The following USH2A variants were observed in gnomAD, a reference collection of about 807,000 sequenced individuals.
USH2A encodes usherin.
A neutral mutation model predicts 538.9 loss-of-function variants in USH2A; 443 were observed. The ratio of observed to expected loss-of-function variants is 0.82; its 90% CI spans 0.76 to 0.89. The LOEUF (loss-of-function observed/expected upper bound fraction) is 0.89. Ranked by LOEUF, USH2A falls within the 40% of genes least tolerant of loss-of-function variation. USH2A has a pLI of 0.00. For missense variants in USH2A, 6,633 were observed against 6,324.8 expected, an observed-to-expected ratio of 1.05 and a Z score of -1.65; for synonymous variants, 2,413 against 2,273.5, an observed-to-expected ratio of 1.06 and a Z score of -1.75.
intron 37 of USH2A, among the ~76,000 whole-genome samples, chr1:215,954,654 T>C (rs1157746513): frequency 6.6e-6 from 1 of 151,954 alleles, no homozygotes; most frequent in East Asian, 1.9e-4. Context: ...ACATGGCACA[T>C]GTATACATAT....
intron 59 of USH2A, 150 bp downstream of exon 59, chr1:215,743,027 T>A: frequency 1.2e-6 from 1 of 825,110 alleles, no homozygotes. Flanking sequence ...GATGCCAGAC[T>A]GTGATTTTTC....
intron 27 of USH2A, among the ~76,000 whole-genome samples, chr1:216,073,554 G>A (rs1286259220): frequency 6.6e-6 from 1 of 152,106 alleles, no homozygotes; most frequent in Non-Finnish European, 1.5e-5. Flanking sequence ...TACTGAAAAA[G>A]CATTTATTTT....
At chr1:215,634,415 T>C in intron 70 of USH2A, 44 bp downstream of exon 70, 5 of 1,613,820 alleles carry the variant, frequency 3.1e-6, no homozygotes, top group Middle Eastern at 3.3e-4. Context: ...ACAAGTATTC[T>C]AGTCCAGTGA....
intron 44 of USH2A, among the ~76,000 whole-genome samples, chr1:215,847,241 A>G (rs1226534679): frequency 1.3e-5 from 2 of 152,142 alleles, no homozygotes; most frequent in Non-Finnish European, 2.9e-5. Flanking sequence ...ATGCTGCTCT[A>G]CTTACATCAG....
Position 216,306,142 on chromosome 1 carries a change from A to G in USH2A, c.1645-13772T>C, listed in dbSNP as rs187750524. On this transcript the variant is annotated intron_variant, in intron 9 of 71. Transcript: ENST00000307340. ...TAGATTTCTCTTCTTCCTTGGGAAC[A>G]CCAATTATTCTTAGATTTGGTCGTT... Among the ~76,000 whole-genome samples, 14 of 152,146 alleles carry G rather than the reference A, an allele frequency of 9.2e-5. No homozygotes were observed. The East Asian group carries it at 2.7e-3, about 29-fold the overall frequency.
At chr1:216,390,537 A>G (rs908610501) in intron 3 of USH2A, among the ~76,000 whole-genome samples, 10 of 152,190 alleles carry the variant, frequency 6.6e-5, no homozygotes, top group African/African-American at 1.9e-4. Context: ...TTTGGGTTAC[A>G]TGCATTCTAC....
chr1:216,104,869 T>C (rs2032691600), intron 21 of USH2A, among the ~76,000 whole-genome samples: 1 of 152,106 alleles, frequency 6.6e-6, no homozygotes, highest in African/African-American at 2.4e-5. Context: ...GAAACTACCA[T>C]CAGAGTGAAC....
intron 42 of USH2A, among the ~76,000 whole-genome samples, chr1:215,878,276 G>C (rs1037963968): frequency 1.3e-5 from 2 of 151,986 alleles, no homozygotes; most frequent in African/African-American, 2.4e-5. Context: ...TGTATTCTTG[G>C]CCAAGTATCA....
At chr1:215,696,799 G>A (rs1034845755) in intron 61 of USH2A, among the ~76,000 whole-genome samples, 1 of 152,184 alleles carries the variant, frequency 6.6e-6, no homozygotes, top group Admixed American at 6.5e-5. Context: ...CCCAGGTCAA[G>A]GATACAGTGA....
chr1:216,052,261 C>T (rs1036574178), intron 30 of USH2A, among the ~76,000 whole-genome samples: 2 of 151,038 alleles, frequency 1.3e-5, no homozygotes, highest in Non-Finnish European at 2.9e-5. Context: ...GAAACTAGAT[C>T]ATCTTTCAAG....
At chr1:215,719,508 C>T (rs1053866148) in intron 61 of USH2A, among the ~76,000 whole-genome samples, 2 of 151,926 alleles carry the variant, frequency 1.3e-5, no homozygotes, top group Admixed American at 6.6e-5. Flanking sequence ...AATTTTATTG[C>T]AAGGTGAGGA....
chr1:216,412,222 T>G (rs969635492), intron 3 of USH2A, among the ~76,000 whole-genome samples: 1 of 152,126 alleles, frequency 6.6e-6, no homozygotes, highest in Admixed American at 6.6e-5. Context: ...GTTGCACAAT[T>G]TTTTACTAAA....
chr1:215,919,925 G>T, intron 38 of USH2A, among the ~76,000 whole-genome samples: 1 of 151,994 alleles, frequency 6.6e-6, no homozygotes, highest in South Asian at 2.1e-4. Context: ...CACAGTAGCA[G>T]AAATTACTGT....
chr1:216,246,443 TGTGTTG>T, intron 13 of USH2A, 136 bp downstream of exon 13: 1 of 975,116 alleles, frequency 1.0e-6, no homozygotes, highest in Non-Finnish European at 1.5e-6. Flanking sequence ...TAGTTATATA[TGTGTTG>T]GATAATGATA....
At chr1:216,019,329 A>G (rs1668789679) in intron 32 of USH2A, among the ~76,000 whole-genome samples, 1 of 152,206 alleles carries the variant, frequency 6.6e-6, no homozygotes. Context: ...CACAGGACAT[A>G]CGAAAGAAGT....
chr1:215,666,137 T>C (rs1404236843), intron 64 of USH2A, among the ~76,000 whole-genome samples: 1 of 152,202 alleles, frequency 6.6e-6, no homozygotes, highest in Non-Finnish European at 1.5e-5. Flanking sequence ...ATCCCAGAAT[T>C]CTGGAAGCTA....
chr1:215,639,177 T>C lies in USH2A; in HGVS notation c.15030A>G (p.Gln5010=). ...TACCAAGTCCAGTAGAGGTATCATA[T>C]TGGATCAACGGCGTCTTAACACTTC... is the stretch of plus-strand genomic sequence containing the variant. ...DEGSVKTPLI[Q]YDTSTGLGLV... Residue 5010 remains glutamine, a synonymous_variant, in exon 69 of 72, where the codon CAA becomes CAG. Coordinates refer to ENST00000307340, the MANE Select transcript of USH2A (RefSeq NM_206933.4). 1.9e-6 allele frequency: 3 copies of C among 1,614,132 alleles called. No homozygotes were observed. Among genetic ancestry groups the C allele is most frequent in the Non-Finnish European group, 2.5e-6 (3 of 1,180,002 alleles).
At chr1:215,790,004 G>T (rs142863927) in intron 51 of USH2A, 55 bp downstream of exon 51, 1 of 1,523,162 alleles carries the variant, frequency 6.6e-7, no homozygotes, top group South Asian at 1.1e-5. Context: ...TATGAACAAT[G>T]TATTTCTCTT....
chr1:216,124,866 T>C (rs2033216806), intron 21 of USH2A, among the ~76,000 whole-genome samples: 1 of 152,238 alleles, frequency 6.6e-6, no homozygotes. Context: ...TTCATGTCTC[T>C]GTTGTGAGAC....
Sources: gnomAD v4.1 joint callset for allele counts (sites outside exome capture counted in the v4.1 genomes callset) on GRCh38, gnomAD v4.1.1 for gene constraint, MANE v1.5 for transcripts, NCBI Gene and HGNC (gene_info 2026-07-23, HGNC 2026-07-21) for gene names.